Variants in SSUH2 observed in about 807,000 individuals in gnomAD.
SSUH2 encodes ssu-2 homolog.
In SSUH2, 47 loss-of-function variants were observed where a neutral mutation model predicts 55.3. The observed-to-expected ratio is 0.85, with a 90% CI of 0.67 to 1.08. The LOEUF is 1.08. Among genes scored for constraint, SSUH2 ranks in the 50% least tolerant of loss-of-function variants. The pLI, the probability that SSUH2 is intolerant of heterozygous loss-of-function variation, is 0.00. For missense variants in SSUH2, 535 were observed against 490.7 expected, an observed-to-expected ratio of 1.09 and a Z score of -0.85; for synonymous variants, 212 against 191.5, an observed-to-expected ratio of 1.11 and a Z score of -0.89.
At chr3:8,654,018 A>G (rs539524972) in intron 7 of SSUH2, among the ~76,000 whole-genome samples, 1 of 152,310 alleles carries the variant, frequency 6.6e-6, no homozygotes, top group African/African-American at 2.4e-5. Flanking sequence ...TCAGGCTGCC[A>G]TGACAACAGA....
chr3:8,666,868 G>T (rs1299937556), intron 5 of SSUH2, among the ~76,000 whole-genome samples: 1 of 152,174 alleles, frequency 6.6e-6, no homozygotes, highest in Non-Finnish European at 1.5e-5. Flanking sequence ...TGACTCATTT[G>T]CTGGAGCAGC....
intron 3 of SSUH2, chr3:8,677,169 G>A (rs1433598966): frequency 1.3e-5 from 2 of 151,664 alleles, no homozygotes; most frequent in Non-Finnish European, 2.9e-5. Context: ...CCTTGCTCAG[G>A]ACGCCCATCG....
exon 2 of SSUH2, chr3:8,679,737 G>A (rs1705830316): frequency 5.7e-6 from 1 of 174,126 alleles, no homozygotes. Context: ...TGTCTAAGAA[G>A]AAAGCTCAGA....
chr3:8,619,959 T>C lies in SSUH2; in HGVS notation c.1037A>G (p.Lys346Arg). Residue 346 changes from lysine to arginine, a missense_variant, in exon 12 of 12, where the codon AAG (lysine) becomes AGG (arginine). Lys to Arg is a conservative substitution (Grantham distance 26, BLOSUM62 2). Coordinates refer to ENST00000544814, the MANE Select transcript of SSUH2 (RefSeq NM_001256748.3). ...GCCATAGATGTAGTAGACATAAGTC[T>C]TTCCTTGGTACCAATAGTGAACTTC... ...LTEVHYWYQG[K>R]TYVYYIYGTD... The C allele has an allele frequency of 6.2e-7, 1 of 1,614,216 alleles. No individual in the cohort carries two copies. Among genetic ancestry groups the C allele is most frequent in the Non-Finnish European group, 8.5e-7 (1 of 1,180,030 alleles).
intron 5 of SSUH2, among the ~76,000 whole-genome samples, chr3:8,664,506 A>C (rs1703800654): frequency 6.6e-6 from 1 of 152,226 alleles, no homozygotes; most frequent in South Asian, 2.1e-4. Flanking sequence ...TGCCTTTAAA[A>C]AGCATGTATC....
intron 1 of SSUH2, among the ~76,000 whole-genome samples, chr3:8,638,740 G>A (rs1465735149): frequency 1.3e-5 from 2 of 152,108 alleles, no homozygotes; most frequent in Non-Finnish European, 2.9e-5. Context: ...AAGAAGGGTG[G>A]GTCTTCCCCT....
At chr3:8,620,418 T>A (rs1696181459) in intron 11 of SSUH2, among the ~76,000 whole-genome samples, 1 of 152,224 alleles carries the variant, frequency 6.6e-6, no homozygotes, top group African/African-American at 2.4e-5. Context: ...CCATGGGAAC[T>A]GTGAGTCCAT....
At chr3:8,667,321 G>A (rs1449243363) in intron 5 of SSUH2, among the ~76,000 whole-genome samples, 1 of 152,164 alleles carries the variant, frequency 6.6e-6, no homozygotes, top group African/African-American at 2.4e-5. Context: ...AAACTGTCAT[G>A]GTGCTGGTGG....
intron 3 of SSUH2, chr3:8,634,623 C>T: frequency 1.6e-6 from 2 of 1,275,538 alleles, no homozygotes; most frequent in Non-Finnish European, 2.0e-6. Context: ...AGAGATGACT[C>T]CCCGGAGGAA....
chr3:8,681,158 A>C lies in SSUH2; in HGVS notation c.-1046+733T>G, dbSNP rs1261664172. On this transcript the variant is annotated intron_variant, in intron 1 of 18. Coordinates refer to the SSUH2 transcript ENST00000317371. ...CCCCCCTGCCTCTTAGGACTTCCAT[A>C]GCAGGGGGGGGAGTCACCCCATGCA... Among the ~76,000 whole-genome samples, 48 of 111,242 alleles carry C rather than the reference A, an allele frequency of 4.3e-4. 1 individual carries two copies. Among genetic ancestry groups the C allele is most frequent in the Non-Finnish European group, 7.3e-4 (38 of 52,018 alleles). 73.0% of individuals were successfully genotyped at this position (111,242 alleles called of 152,430 possible).
intron 5 of SSUH2, among the ~76,000 whole-genome samples, chr3:8,669,931 GA>G (rs757252477): frequency 6.6e-6 from 1 of 152,186 alleles, no homozygotes; most frequent in African/African-American, 2.4e-5. Flanking sequence ...GACATGAGTG[GA>G]AAAACTGGTG....
chr3:8,633,576 G>A lies in SSUH2; in HGVS notation c.339+90C>T. 13 of 1,115,432 alleles carry A rather than the reference G, an allele frequency of 1.2e-5. 1 individual carries two copies. The highest frequency in any genetic ancestry group is 5.4e-5 in the South Asian group (3 of 56,056). 69.1% of individuals were successfully genotyped at this position (1,115,432 alleles called of 1,614,324 possible). On this transcript the variant is annotated intron_variant, in intron 4 of 11. Transcript: ENST00000544814. ...CTGCCCCCAGGACTCCTTTCCCCTG[G>A]CCACATCACACAAACAGGCCTCCAC...
In SSUH2 at chr3:8,619,696, G is replaced by A. The variant is rs1696027792; in HGVS notation, c.*172C>T. The A allele has an allele frequency of 6.5e-6, 4 of 612,220 alleles. No individual in the cohort carries two copies. Among genetic ancestry groups the A allele is most frequent in the Admixed American group, 6.7e-5 (2 of 30,056 alleles). The allele number at this position is 612,220 out of a possible 1,614,324, so 37.9% of individuals were successfully genotyped here. A position where few individuals can be genotyped will look rare whatever the true frequency, so the allele number is the denominator to read the frequency against. On this transcript the variant is annotated 3_prime_UTR_variant, in exon 12 of 12. Coordinates refer to ENST00000544814, the MANE Select transcript of SSUH2 (RefSeq NM_001256748.3). Reference sequence around the variant, plus strand: ...CATATGAGTCATGGATTCCACCAGAGGAGCTGTATAAGGGGTTGGAGCTTG... The same window carrying A: ...CATATGAGTCATGGATTCCACCAGAAGAGCTGTATAAGGGGTTGGAGCTTG...
chr3:8,676,735 C>T (rs200869368), intron 3 of SSUH2, among the ~76,000 whole-genome samples: 9 of 149,980 alleles, frequency 6.0e-5, no homozygotes, highest in South Asian at 4.2e-4. Context: ...GCTGGAATTA[C>T]TATCATTCTC....
chr3:8,673,455 G>A (rs1704847635), intron 3 of SSUH2, among the ~76,000 whole-genome samples: 2 of 152,094 alleles, frequency 1.3e-5, no homozygotes, highest in Admixed American at 1.3e-4. Flanking sequence ...TCAGGTGGTG[G>A]AGAGGCATGT....
At position 8,633,016 on chromosome 3, in the gene SSUH2, C is replaced by T. The variant is rs185766692; in HGVS notation, c.339+650G>A. On this transcript the variant is annotated intron_variant, in intron 4 of 11. Transcript: ENST00000544814. ...TTGCCTCTTTAAATTTCCAATTTCT[C>T]GTCTGTAAACCAGTGACAGTGATGC... Among the ~76,000 whole-genome samples the T allele has an allele frequency of 5.9e-5, 9 of 152,244 alleles. 1 individual carries two copies. Among genetic ancestry groups the T allele is most frequent in the East Asian group, 5.8e-4 (3 of 5,180 alleles).
upstream of SSUH2, among the ~76,000 whole-genome samples, chr3:8,648,366 G>A (rs1427404654): frequency 6.6e-6 from 1 of 152,198 alleles, no homozygotes; most frequent in East Asian, 1.9e-4. Context: ...GGTTTTCACT[G>A]ACCTGGCTAC....
rs78368873 is a variant in SSUH2, at chr3:8,620,485, G to A, written c.982-471C>T. ...TCAGATATGTCTTCATTAGCAGCATGAGAACAGACTAACACAGCATTCTAA... is the reference window on the plus strand; with the variant it reads ...TCAGATATGTCTTCATTAGCAGCATAAGAACAGACTAACACAGCATTCTAA... On this transcript the variant is annotated intron_variant, in intron 11 of 11. Transcript: ENST00000544814. 8.3e-3 allele frequency among the ~76,000 whole-genome samples: 1,264 copies of A among 152,306 alleles called. 8 individuals carry two copies. Among genetic ancestry groups the A allele is most frequent in the African/African-American group, 0.012 (490 of 41,564 alleles).
upstream of SSUH2, among the ~76,000 whole-genome samples, chr3:8,648,598 A>G (rs1702007646): frequency 3.9e-5 from 6 of 152,000 alleles, no homozygotes; most frequent in South Asian, 2.1e-4. Flanking sequence ...GAAGCTTCCA[A>G]TGAGTGCTCA....
Sources: gnomAD v4.1 joint callset for allele counts (sites outside exome capture counted in the v4.1 genomes callset) on GRCh38, gnomAD v4.1.1 for gene constraint, MANE v1.5 for transcripts, NCBI Gene and HGNC (gene_info 2026-07-23, HGNC 2026-07-21) for gene names.